Variants in NEDD4L observed in about 807,000 individuals in gnomAD.
NEDD4L encodes the protein E3 ubiquitin-protein ligase NEDD4-like.
In NEDD4L, 54 loss-of-function variants were observed where a neutral mutation model predicts 148.9. The ratio of observed to expected loss-of-function variants is 0.36; its 90% CI spans 0.29 to 0.45. NEDD4L has a LOEUF of 0.45. Ranked by LOEUF, NEDD4L falls within the 20% of genes least tolerant of loss-of-function variation. NEDD4L has a pLI of 1.00. For synonymous variants in NEDD4L, 433 were observed against 440.7 expected (o/e 0.98, Z 0.22); for missense variants, 856 against 1,233.8 (o/e 0.69, Z 4.59).
intron 10 of NEDD4L, among the ~76,000 whole-genome samples, chr18:58,329,925 T>C (rs1254802475): frequency 6.6e-6 from 1 of 152,226 alleles, no homozygotes; most frequent in Non-Finnish European, 1.5e-5. Context: ...GAATGAGCCC[T>C]GTAACTTGTT....
chr18:58,299,598 G>A (rs891375463), intron 5 of NEDD4L, among the ~76,000 whole-genome samples: 1 of 152,122 alleles, frequency 6.6e-6, no homozygotes, highest in African/African-American at 2.4e-5. Context: ...CTATGGATGG[G>A]TAGAATCAAT....
intron 28 of NEDD4L, chr18:58,390,027 A>G (rs1030533159): frequency 4.6e-5 from 7 of 152,162 alleles, no homozygotes; most frequent in African/African-American, 1.7e-4. Context: ...GAATACAGAG[A>G]TAAAAAAGCA....
chr18:58,049,501 GAGA>G (rs1244610030), intron 1 of NEDD4L, among the ~76,000 whole-genome samples: 1 of 152,218 alleles, frequency 6.6e-6, no homozygotes, highest in Non-Finnish European at 1.5e-5. Context: ...TCTGAAGAGA[GAGA>G]AGGCTTGCCC....
chr18:58,158,928 G>T (rs758032906), intron 1 of NEDD4L, among the ~76,000 whole-genome samples: 32 of 152,302 alleles, frequency 2.1e-4, no homozygotes, highest in Admixed American at 4.6e-4. Flanking sequence ...GAGAGAGAGA[G>T]AATGTGTCTG....
chr18:58,339,678 T>C (rs1317248644), intron 13 of NEDD4L, among the ~76,000 whole-genome samples: 1 of 152,194 alleles, frequency 6.6e-6, no homozygotes, highest in Non-Finnish European at 1.5e-5. Context: ...TTCATGATCT[T>C]ACCCAGGTGA....
chr18:58,155,721 T>A (rs958267464), intron 1 of NEDD4L, among the ~76,000 whole-genome samples: 1 of 152,146 alleles, frequency 6.6e-6, no homozygotes, highest in African/African-American at 2.4e-5. Context: ...GGTAGATAAA[T>A]TAGGGTGAGC....
chr18:58,353,103 A>C (rs766517506), intron 18 of NEDD4L, among the ~76,000 whole-genome samples: 79 of 152,218 alleles, frequency 5.2e-4, no homozygotes, highest in Non-Finnish European at 1.5e-4. Flanking sequence ...AAGTGAACTC[A>C]CTTGAGGAGC....
At chr18:58,325,421 G>A (rs575455286) in intron 9 of NEDD4L, among the ~76,000 whole-genome samples, 9 of 152,264 alleles carry the variant, frequency 5.9e-5, no homozygotes, top group Middle Eastern at 3.4e-3. Flanking sequence ...CTTTTATGTC[G>A]ATTCCTGAAA....
chr18:58,064,862 T>C (rs2082518891), intron 1 of NEDD4L, among the ~76,000 whole-genome samples: 1 of 152,140 alleles, frequency 6.6e-6, no homozygotes, highest in South Asian at 2.1e-4. Flanking sequence ...ATCTCAGCAC[T>C]TTGGGAGGCG....
At chr18:58,172,124 G>A (rs1034162128) in intron 2 of NEDD4L, among the ~76,000 whole-genome samples, 2 of 152,138 alleles carry the variant, frequency 1.3e-5, no homozygotes, top group African/African-American at 4.8e-5. Flanking sequence ...AAGGACACGA[G>A]TGATGGGTTA....
chr18:58,166,581 C>T (rs1455908819), intron 2 of NEDD4L, among the ~76,000 whole-genome samples: 5 of 152,156 alleles, frequency 3.3e-5, no homozygotes, highest in African/African-American at 4.8e-5. Context: ...ATGTTCTAGT[C>T]CAACTTTTCC....
At chr18:58,110,993 C>T (rs2085384089) in intron 1 of NEDD4L, among the ~76,000 whole-genome samples, 1 of 152,210 alleles carries the variant, frequency 6.6e-6, no homozygotes, top group Non-Finnish European at 1.5e-5. Flanking sequence ...CCTTACAATT[C>T]ACCCATTTAC....
chr18:58,304,234 A>G (rs746551572), intron 5 of NEDD4L, among the ~76,000 whole-genome samples: 3 of 151,656 alleles, frequency 2.0e-5, no homozygotes, highest in South Asian at 2.1e-4. Flanking sequence ...AGTAACATTT[A>G]TTGGCCAGGG....
intron 2 of NEDD4L, among the ~76,000 whole-genome samples, chr18:58,231,042 GT>G (rs920998076): frequency 3.0e-4 from 46 of 152,008 alleles, no homozygotes; most frequent in African/African-American, 1.1e-3. Flanking sequence ...GAGGCCAGGA[GT>G]TTGCAACCAG....
At chr18:58,310,610 C>T (rs182897857) in intron 5 of NEDD4L, among the ~76,000 whole-genome samples, 6 of 152,362 alleles carry the variant, frequency 3.9e-5, no homozygotes, top group Admixed American at 1.3e-4. Flanking sequence ...ATGCAACGCC[C>T]AGCGTGGGTG....
intron 1 of NEDD4L, among the ~76,000 whole-genome samples, chr18:58,133,442 T>TA (rs1443719884): frequency 1.3e-5 from 2 of 152,190 alleles, no homozygotes; most frequent in African/African-American, 4.8e-5. Context: ...AACTTGTGCA[T>TA]AGTTATTATG....
At chr18:58,330,413 C>T (rs1044051164) in intron 10 of NEDD4L, among the ~76,000 whole-genome samples, 46 of 152,280 alleles carry the variant, frequency 3.0e-4, no homozygotes, top group African/African-American at 1.0e-3. Flanking sequence ...GGAAATCAGT[C>T]ACTGTTCAGA....
intron 1 of NEDD4L, chr18:58,045,447 T>G (rs927745363): frequency 3.8e-6 from 1 of 263,832 alleles, no homozygotes; most frequent in Non-Finnish European, 7.1e-6. Flanking sequence ...ATCTCTTTTA[T>G]TAATAAAGCG....
chr18:58,334,415 T>C (rs1292963068), intron 12 of NEDD4L, among the ~76,000 whole-genome samples: 3 of 152,204 alleles, frequency 2.0e-5, no homozygotes, highest in Non-Finnish European at 4.4e-5. Flanking sequence ...TTAATAGCTA[T>C]CAGCAAATGT....
Sources: allele counts gnomAD v4.1 joint callset (sites outside exome capture counted in the v4.1 genomes callset), GRCh38; gene constraint gnomAD v4.1.1; transcripts MANE v1.5; gene names NCBI Gene and HGNC (gene_info 2026-07-23, HGNC 2026-07-21).